The following DNAH3 variants were observed in gnomAD, a reference collection of about 807,000 sequenced individuals.
The protein encoded by DNAH3 is axonemal beta dynein heavy chain 3.
DNAH3 carries 332 observed loss-of-function variants against 432.5 expected under a neutral mutation model. The ratio of observed to expected loss-of-function variants is 0.77; its 90% confidence interval spans 0.70 to 0.84. The LOEUF is 0.84. Ranked by LOEUF, DNAH3 falls within the 40% of genes least tolerant of loss-of-function variation. The probability of loss-of-function intolerance (pLI) is 0.00; values close to 1 mark genes in which losing one functional copy is unlikely to be tolerated. For synonymous variants in DNAH3, 1,956 were observed against 1,900.2 expected, an observed-to-expected ratio of 1.03 and a Z score of -0.76; for missense variants, 4,861 against 5,114.0, an observed-to-expected ratio of 0.95 and a Z score of 1.51.
rs969910183 is a variant in DNAH3 at position 21,036,616 on chromosome 16, T to C, written c.5085+98A>G. ...TGCATTTCTACACAGGCACCTCTGA[T>C]TGCTGTCACTTCAGTTCCAATCTCC... On this transcript the variant is annotated intron_variant, in intron 35 of 61. Transcript: ENST00000261383. The C allele has an allele frequency of 2.6e-6, 3 of 1,144,184 alleles. 1 individual carries two copies. The Admixed American group carries it at 6.7e-5, about 25-fold the overall frequency. 70.9% of individuals were successfully genotyped at this position (1,144,184 alleles called of 1,614,324 possible).
chr16:20,959,608 TAAACACACACACAC>T lies in DNAH3; in HGVS notation c.10601-218_10601-205del, dbSNP rs1567529531. 1.8e-5 allele frequency among the ~76,000 whole-genome samples: 2 copies of T among 109,552 alleles called. 1 individual carries two copies. Among genetic ancestry groups the T allele is most frequent in the South Asian group, 6.1e-4 (2 of 3,266 alleles). 71.9% of individuals were successfully genotyped at this position (109,552 alleles called of 152,430 possible). ...AACACAGTGAGACCTTGTCTCTATT[TAAACACACACACAC>T]ACACACACACACACACACACACACA... On this transcript the variant is annotated intron_variant, in intron 53 of 61. Transcript: ENST00000261383.
intron 55 of DNAH3, among the ~76,000 whole-genome samples, chr16:20,953,030 G>C (rs2084385067): frequency 6.6e-6 from 1 of 152,182 alleles, no homozygotes; most frequent in Admixed American, 6.5e-5. Context: ...ATGCCCATTG[G>C]GGGCTGAACA....
At chr16:21,133,794 T>C (rs781148003) in intron 7 of DNAH3, among the ~76,000 whole-genome samples, 4 of 152,198 alleles carry the variant, frequency 2.6e-5, no homozygotes, top group Non-Finnish European at 5.9e-5. Context: ...AATTAACAAT[T>C]ACTGGTGCTT....
chr16:21,127,903 C>G, intron 7 of DNAH3, 91 bp from the exon 9 acceptor site: 2 of 1,478,408 alleles, frequency 1.4e-6, no homozygotes, highest in South Asian at 2.4e-5. Context: ...GTTCACGTTT[C>G]TCAATGAAAG....
At position 21,066,249 on chromosome 16, in the gene DNAH3, T is replaced by C. The variant is rs372199562; in HGVS notation, c.3518+1034A>G. ...AAATTTATGTTTCTTAAAGGTAAAT[T>C]AGGATCAAACATCCTAAGTGGGGTC... On this transcript the variant is annotated intron_variant, in intron 24 of 61. Coordinates refer to ENST00000261383, the Ensembl canonical transcript of DNAH3. Among the ~76,000 whole-genome samples, 229 of 152,290 alleles carry C rather than the reference T, an allele frequency of 1.5e-3. 7 individuals are homozygous for C. In the South Asian group the frequency reaches 0.046, roughly 30 times the overall value.
chr16:21,122,974 G>T (rs1428066472), intron 9 of DNAH3, among the ~76,000 whole-genome samples: 2 of 151,718 alleles, frequency 1.3e-5, no homozygotes, highest in Non-Finnish European at 2.9e-5. Context: ...CTTTCTCTCT[G>T]GTAGGAATTT....
chr16:20,991,015 T>C (rs1006034970), intron 44 of DNAH3, among the ~76,000 whole-genome samples: 1 of 152,024 alleles, frequency 6.6e-6, no homozygotes, highest in Non-Finnish European at 1.5e-5. Context: ...AGCGAGACTC[T>C]GTCTCAAAAC....
rs551906330 is a variant in DNAH3, at chr16:21,081,458, A to G, written c.2969+178T>C. Among the ~76,000 whole-genome samples the G allele has an allele frequency of 6.6e-5, 10 of 152,214 alleles. 1 individual carries two copies. In the South Asian group the frequency reaches 1.9e-3, roughly 28 times the overall value. ...ACAACCCATCAGCAGCTCTGCAGCT[A>G]AAAAACAGAAGCTTCACCAATACGA... On this transcript the variant is annotated intron_variant, in intron 20 of 61. Coordinates refer to ENST00000261383, the Ensembl canonical transcript of DNAH3.
intron 18 of DNAH3, among the ~76,000 whole-genome samples, chr16:21,087,661 G>A (rs1026169371): frequency 3.9e-5 from 6 of 152,208 alleles, no homozygotes; most frequent in Admixed American, 3.3e-4. Flanking sequence ...TGAGAGGGAG[G>A]CTGAGGCAGG....
exon 59 of DNAH3, chr16:20,941,453 A>T: frequency 1.2e-6 from 2 of 1,614,176 alleles, no homozygotes; most frequent in Non-Finnish European, 1.7e-6. Flanking sequence ...GATTCTTCAT[A>T]GACCACGGGG....
At chr16:21,013,892 T>A (rs2087737245) in intron 41 of DNAH3, among the ~76,000 whole-genome samples, 1 of 152,142 alleles carries the variant, frequency 6.6e-6, no homozygotes, top group Admixed American at 6.5e-5. Flanking sequence ...TAAGGAGAAG[T>A]AGATAATTTG....
At chr16:20,992,630 G>T (rs530589655) in intron 44 of DNAH3, among the ~76,000 whole-genome samples, 1 of 152,146 alleles carries the variant, frequency 6.6e-6, no homozygotes, top group Admixed American at 6.5e-5. Flanking sequence ...GTGAGCCACC[G>T]CTCCTGGCCT....
intron 56 of DNAH3, among the ~76,000 whole-genome samples, chr16:20,950,833 T>A (rs1283942404): frequency 1.3e-5 from 2 of 152,088 alleles, no homozygotes; most frequent in Non-Finnish European, 2.9e-5. Context: ...TGTGTGTATG[T>A]TTTTTAAGAG....
chr16:21,041,893 G>A (rs911232170), intron 32 of DNAH3, 134 bp downstream of exon 32: 4 of 955,926 alleles, frequency 4.2e-6, no homozygotes, highest in African/African-American at 3.3e-5. Context: ...GGCTGATCTC[G>A]AGCTCCTGAC....
chr16:21,044,951 G>A (rs1259542570), intron 31 of DNAH3, among the ~76,000 whole-genome samples: 1 of 149,318 alleles, frequency 6.7e-6, no homozygotes, highest in South Asian at 2.2e-4. Flanking sequence ...TTTGTCTTTG[G>A]CTCTGTTTAT....
At position 20,933,237 on chromosome 16, in the gene DNAH3, G is replaced by A. The variant is rs146986052; in HGVS notation, c.12268C>T (p.Leu4090Phe). ...ATGTCTGTTGGAAGCTCAATGGAGAGGACATAGTTGGTAGAGTGGCCTGTG... is the reference window on the plus strand; with the variant it reads ...ATGTCTGTTGGAAGCTCAATGGAGAAGACATAGTTGGTAGAGTGGCCTGTG... The change falls in exon 62 of 62, where the codon CTC becomes TTC. Residue 4090 changes from leucine (L) to phenylalanine (F), a missense_variant. By Grantham distance (22) the Leu-to-Phe change is conservative. Coordinates refer to ENST00000261383, the Ensembl canonical transcript of DNAH3. 1.0e-4 allele frequency: 166 copies of A among 1,614,134 alleles called. No homozygotes were observed. Among genetic ancestry groups the A allele is most frequent in the Non-Finnish European group, 1.3e-4 (155 of 1,180,046 alleles).
intron 5 of DNAH3, among the ~76,000 whole-genome samples, chr16:21,137,319 A>G (rs2092657426): frequency 6.6e-6 from 1 of 151,544 alleles, no homozygotes; most frequent in South Asian, 2.1e-4. Context: ...CTCGAATCAC[A>G]TACCCTCCTG....
chr16:21,036,861 A>G lies in DNAH3; in HGVS notation c.4951-13T>C. On this transcript the variant is annotated splice_polypyrimidine_tract_variant and intron_variant, in intron 34 of 61. Transcript: ENST00000261383. ...CAGATATAATTCCCTGTTAAAAAGA[A>G]TTTAAAAGAAAGTGGAAAGGATAAA... 6.3e-7 allele frequency: 1 copy of G among 1,598,978 alleles called. No homozygotes were observed. Among genetic ancestry groups the G allele is most frequent in the South Asian group, 1.1e-5 (1 of 90,208 alleles).
chr16:21,146,904 G>A (rs967394851), intron 1 of DNAH3, among the ~76,000 whole-genome samples: 26 of 151,804 alleles, frequency 1.7e-4, no homozygotes, highest in African/African-American at 6.1e-4. Context: ...GGGATTACAG[G>A]TGACTGCCAC....
Sources: allele counts gnomAD v4.1 joint callset (sites outside exome capture counted in the v4.1 genomes callset), GRCh38; gene constraint gnomAD v4.1.1; transcripts MANE v1.5; gene names NCBI Gene and HGNC (gene_info 2026-07-23, HGNC 2026-07-21).